The following RERG variants were observed in gnomAD, a reference collection of about 807,000 sequenced individuals.
RERG encodes ras-related and estrogen-regulated growth inhibitor.
In RERG, 25 loss-of-function variants were observed where a neutral mutation model predicts 23.2. The observed-to-expected ratio is 1.08, with a 90% CI of 0.79 to 1.50. The LOEUF (loss-of-function observed/expected upper bound fraction) is 1.50, where lower values mean the gene tolerates loss of function less well. Ranked by LOEUF, RERG falls within the 40% of genes most tolerant of loss-of-function variation. The probability of loss-of-function intolerance (pLI) is 0.00; values close to 1 mark genes in which losing one functional copy is unlikely to be tolerated. For missense variants in RERG, 253 were observed against 250.1 expected (o/e 1.01, Z -0.08); for synonymous variants, 81 against 89.1 (o/e 0.91, Z 0.51).
chr12:15,212,041 ACTTTTT>A (rs1865373336), intron 2 of RERG, among the ~76,000 whole-genome samples: 2 of 92,544 alleles, frequency 2.2e-5, no homozygotes, highest in African/African-American at 7.3e-5. Flanking sequence ...CCACGAATAA[ACTTTTT>A]TTTTTTTTTT....
intron 2 of RERG, among the ~76,000 whole-genome samples, chr12:15,135,797 T>G (rs1279563157): frequency 6.6e-6 from 1 of 152,166 alleles, no homozygotes; most frequent in Admixed American, 6.5e-5. Context: ...TTGGATTCAA[T>G]TTGTGAATAT....
chr12:15,152,753 T>C lies in RERG; in HGVS notation c.62-31634A>G, dbSNP rs193217406. 2.8e-3 allele frequency among the ~76,000 whole-genome samples: 432 copies of C among 152,312 alleles called. 2 individuals are homozygous for C. The highest frequency in any genetic ancestry group is 0.01 in the African/African-American group (420 of 41,564). ...CCTTCACATGGTATTTGAAGTTTCA[T>C]AGAACTTTTTTGGATTGGAACCAGA... On this transcript the variant is annotated intron_variant, in intron 2 of 4. Coordinates refer to ENST00000256953, the MANE Select transcript of RERG (RefSeq NM_032918.3).
intron 2 of RERG, among the ~76,000 whole-genome samples, chr12:15,206,586 A>G (rs1865294463): frequency 6.6e-6 from 1 of 152,110 alleles, no homozygotes; most frequent in Non-Finnish European, 1.5e-5. Context: ...TTCGGTGCAG[A>G]CCTACTGAGT....
At chr12:15,208,022 A>G (rs999856793) in intron 2 of RERG, among the ~76,000 whole-genome samples, 2 of 152,168 alleles carry the variant, frequency 1.3e-5, no homozygotes, top group Non-Finnish European at 2.9e-5. Context: ...AGTTAATATC[A>G]GTAGACTAGT....
Position 15,200,683 on chromosome 12 carries a change from T to C in RERG, c.61+16746A>G, listed in dbSNP as rs543992219. ...AGTGAAGAATAAAACACCCTCCTAT[T>C]GTGATGAATAATGAAGAAAATGTCT... On this transcript the variant is annotated intron_variant, in intron 2 of 4. Coordinates refer to ENST00000256953, the MANE Select transcript of RERG (RefSeq NM_032918.3). 1.8e-4 allele frequency among the ~76,000 whole-genome samples: 27 copies of C among 152,090 alleles called. No individual in the cohort carries two copies. The South Asian group carries it at 5.4e-3, about 30-fold the overall frequency.
chr12:15,112,578 G>C (rs1043530105), intron 3 of RERG: 5 of 152,164 alleles, frequency 3.3e-5, no homozygotes, highest in Non-Finnish European at 5.9e-5. Flanking sequence ...GTGCCAACTG[G>C]TGCTTCTCTG....
chr12:15,172,248 A>T (rs1864787726), intron 2 of RERG, among the ~76,000 whole-genome samples: 1 of 152,138 alleles, frequency 6.6e-6, no homozygotes, highest in East Asian at 1.9e-4. Context: ...GTCTTTTATG[A>T]CTAGTTTGTT....
intron 2 of RERG, among the ~76,000 whole-genome samples, chr12:15,126,724 CT>C (rs71042228): frequency 3.2e-4 from 42 of 132,442 alleles, no homozygotes; most frequent in Non-Finnish European, 4.2e-4. Flanking sequence ...CTTTTTCTTT[CT>C]TTTTTTTTTT....
chr12:15,111,558 G>A (rs1166058308), intron 3 of RERG, 141 bp from the exon 4 acceptor site: 6 of 622,360 alleles, frequency 9.6e-6, no homozygotes, highest in South Asian at 2.2e-5. Context: ...AAAGAGAGGA[G>A]AGATGTGCAA....
At chr12:15,111,089 G>T in intron 4 of RERG, 1 of 304,960 alleles carries the variant, frequency 3.3e-6, no homozygotes, top group Admixed American at 4.9e-5. Flanking sequence ...AAATATAGGT[G>T]AGAGAGTCTA....
intron 2 of RERG, among the ~76,000 whole-genome samples, chr12:15,186,943 G>A (rs1303852491): frequency 2.0e-5 from 3 of 151,996 alleles, no homozygotes; most frequent in Non-Finnish European, 4.4e-5. Context: ...GGAGAACTTG[G>A]GTGCTTGGCT....
At chr12:15,160,602 T>C (rs1315801001) in intron 2 of RERG, among the ~76,000 whole-genome samples, 1 of 152,074 alleles carries the variant, frequency 6.6e-6, no homozygotes, top group Non-Finnish European at 1.5e-5. Context: ...ATTTTAGTGA[T>C]CAAAAGAGAT....
chr12:15,125,412 G>C (rs1198010268), intron 2 of RERG, among the ~76,000 whole-genome samples: 2 of 151,974 alleles, frequency 1.3e-5, no homozygotes, highest in African/African-American at 4.8e-5. Flanking sequence ...AGTATCCTAA[G>C]TATGAAGCTT....
intron 2 of RERG, among the ~76,000 whole-genome samples, chr12:15,163,179 G>A (rs191194220): frequency 7.2e-4 from 110 of 152,256 alleles, no homozygotes; most frequent in African/African-American, 2.6e-3. Flanking sequence ...CCAAGCAGAC[G>A]TTATCCCTGC....
At chr12:15,191,538 C>G (rs932236965) in intron 2 of RERG, among the ~76,000 whole-genome samples, 5 of 152,038 alleles carry the variant, frequency 3.3e-5, no homozygotes, top group African/African-American at 1.2e-4. Flanking sequence ...AGGTTAAATC[C>G]CAAACTTCTT....
At chr12:15,215,330 C>A (rs1386826655) in intron 2 of RERG, among the ~76,000 whole-genome samples, 1 of 152,064 alleles carries the variant, frequency 6.6e-6, no homozygotes, top group Non-Finnish European at 1.5e-5. Flanking sequence ...ATATATAGAA[C>A]CCTGGAAGCT....
chr12:15,191,244 A>G (rs959050470), intron 2 of RERG, among the ~76,000 whole-genome samples: 8 of 152,184 alleles, frequency 5.3e-5, no homozygotes, highest in Non-Finnish European at 1.2e-4. Flanking sequence ...TGTGTAGACT[A>G]AAATGATTTA....
At chr12:15,214,033 TGTGTGC>T (rs764269636) in intron 2 of RERG, among the ~76,000 whole-genome samples, 13 of 95,860 alleles carry the variant, frequency 1.4e-4, no homozygotes, top group East Asian at 8.5e-4. Flanking sequence ...TGTGTGTGTG[TGTGTGC>T]GCGTGTGTGG....
intron 2 of RERG, among the ~76,000 whole-genome samples, chr12:15,143,331 A>C (rs7488104): frequency 0.011 from 204 of 18,850 alleles, no homozygotes; most frequent in Non-Finnish European, 0.023. Flanking sequence ...TGTGTATGTA[A>C]ATATATACAT....
Sources: gnomAD v4.1 joint callset for allele counts (sites outside exome capture counted in the v4.1 genomes callset) on GRCh38, gnomAD v4.1.1 for gene constraint, MANE v1.5 for transcripts, NCBI Gene and HGNC (gene_info 2026-07-23, HGNC 2026-07-21) for gene names.